The following TFB1M variants were observed in gnomAD, a reference collection of about 807,000 sequenced individuals.
TFB1M encodes the protein dimethyladenosine transferase 1, mitochondrial.
Under a neutral mutation model 31.1 loss-of-function variants are expected in TFB1M, and 27 were observed. That is an observed-to-expected ratio of 0.87 (90% CI 0.64 to 1.20). The LOEUF is 1.20. TFB1M is among the 50% of genes most tolerant of loss of function. The pLI is 0.00. For synonymous variants in TFB1M, 166 were observed against 151.8 expected (o/e 1.09, Z -0.69); for missense variants, 394 against 418.7 (o/e 0.94, Z 0.51).
intron 2 of TFB1M, among the ~76,000 whole-genome samples, chr6:155,310,409 T>C (rs935776387): frequency 1.3e-5 from 2 of 152,300 alleles, no homozygotes; most frequent in Non-Finnish European, 2.9e-5. Context: ...AGTAAGTTCC[T>C]CCTTATTTCA....
chr6:155,314,084 C>A (rs995872301), intron 1 of TFB1M: 41 of 1,444,554 alleles, frequency 2.8e-5, no homozygotes, highest in East Asian at 1.0e-4. Context: ...CTACACCCCC[C>A]CGAACGCGGA....
chr6:155,280,596 C>T (rs1785452761), intron 5 of TFB1M, among the ~76,000 whole-genome samples: 1 of 152,192 alleles, frequency 6.6e-6, no homozygotes, highest in African/African-American at 2.4e-5. Flanking sequence ...CCATCTCAAT[C>T]TGATTCTAGG....
At chr6:155,274,394 G>A (rs1042474293) in intron 5 of TFB1M, among the ~76,000 whole-genome samples, 1 of 152,090 alleles carries the variant, frequency 6.6e-6, no homozygotes, top group African/African-American at 2.4e-5. Flanking sequence ...CAAAGTAGGT[G>A]GTCTTTTCCT....
downstream of TFB1M, chr6:155,254,549 C>G (rs370090099): frequency 2.6e-5 from 42 of 1,612,422 alleles, no homozygotes; most frequent in Non-Finnish European, 3.2e-5. Context: ...TCTTAAGAAC[C>G]GAGTTCCTGT....
At chr6:155,241,331 CTT>C in the TFB1M span, among the ~76,000 whole-genome samples, 7 of 152,302 alleles carry the variant, frequency 4.6e-5, no homozygotes, top group South Asian at 1.5e-3. Context: ...AGTTCTTTTG[CTT>C]TGTTTCCTGG....
downstream of TFB1M, chr6:155,253,955 C>G (rs568371706): frequency 6.2e-7 from 1 of 1,603,696 alleles, no homozygotes; most frequent in South Asian, 1.1e-5. Context: ...ACTCTTGTTT[C>G]CATTTCCTTT....
intron 5 of TFB1M, among the ~76,000 whole-genome samples, chr6:155,267,781 T>A (rs115666948): frequency 0.019 from 2,907 of 152,212 alleles, 73 homozygotes; most frequent in African/African-American, 0.049. Context: ...ATTTGTATAA[T>A]CAACCTTCAC....
chr6:155,288,433 A>T (rs1776764104), intron 4 of TFB1M, among the ~76,000 whole-genome samples: 1 of 152,248 alleles, frequency 6.6e-6, no homozygotes, highest in South Asian at 2.1e-4. Flanking sequence ...GAATAAGCTT[A>T]TGGATCAAGT....
intron 5 of TFB1M, among the ~76,000 whole-genome samples, chr6:155,273,271 A>C (rs1464162412): frequency 6.6e-6 from 1 of 152,246 alleles, no homozygotes; most frequent in Non-Finnish European, 1.5e-5. Flanking sequence ...TGATGTCTAC[A>C]GATAAGTCTG....
intron 5 of TFB1M, among the ~76,000 whole-genome samples, chr6:155,264,808 A>G (rs1784546010): frequency 6.6e-6 from 1 of 152,146 alleles, no homozygotes; most frequent in South Asian, 2.1e-4. Flanking sequence ...GAGTTTTTTT[A>G]CTGTGTAAAT....
Position 155,299,194 on chromosome 6 carries a change from C to T in TFB1M, c.286-609G>A, listed in dbSNP as rs1044061847. On this transcript the variant is annotated intron_variant, in intron 2 of 6. Coordinates refer to ENST00000367166, the MANE Select transcript of TFB1M (RefSeq NM_016020.4). Reference sequence around the variant, plus strand: ...CCCCTTATCGACCTAATGAATTACCCTGGATGTTTAACAATAGCTACTTCC... The same window carrying T: ...CCCCTTATCGACCTAATGAATTACCTTGGATGTTTAACAATAGCTACTTCC... 3.9e-5 allele frequency among the ~76,000 whole-genome samples: 6 copies of T among 152,076 alleles called. No individual in the cohort carries two copies. In the South Asian group the frequency reaches 1.2e-3, roughly 31 times the overall value.
intron 6 of TFB1M, among the ~76,000 whole-genome samples, chr6:155,258,619 G>C (rs1784234797): frequency 6.6e-6 from 1 of 151,992 alleles, no homozygotes; most frequent in Non-Finnish European, 1.5e-5. Context: ...TTGAAGTAGA[G>C]GATATATTTT....
chr6:155,296,283 A>G (rs934412539), intron 4 of TFB1M, among the ~76,000 whole-genome samples: 2 of 151,946 alleles, frequency 1.3e-5, no homozygotes, highest in African/African-American at 4.8e-5. Flanking sequence ...CCGCCGAGAC[A>G]GAGTCTTGCT....
intron 4 of TFB1M, among the ~76,000 whole-genome samples, chr6:155,292,433 G>A (rs576504664): frequency 5.3e-5 from 8 of 152,214 alleles, no homozygotes; most frequent in South Asian, 2.1e-4. Flanking sequence ...CTAGAACCAG[G>A]GGAAGGCAGG....
chr6:155,281,519 C>T lies in TFB1M; in HGVS notation c.666+3639G>A, dbSNP rs1479482425. The stretch of plus-strand genomic sequence containing the variant: ...GATGGATCACCTGAGGCCAGGAGTT[C>T]GAGACCAGCTTGGCCAACATGGTGA... On this transcript the variant is annotated intron_variant, in intron 5 of 6. Transcript: ENST00000367166. Among the ~76,000 whole-genome samples, 13 of 152,104 alleles carry T rather than the reference C, an allele frequency of 8.5e-5. No homozygotes were observed. The East Asian group carries it at 9.7e-4, about 11-fold the overall frequency.
In TFB1M at chr6:155,256,822, G is replaced by A. The variant is rs755263506; in HGVS notation, c.*1014C>T. 83 of 1,614,044 alleles carry A rather than the reference G, an allele frequency of 5.1e-5. No homozygotes were observed. Among genetic ancestry groups the A allele is most frequent in the Non-Finnish European group, 6.9e-5 (81 of 1,180,050 alleles). On this transcript the variant is annotated 3_prime_UTR_variant, in exon 7 of 7. Coordinates refer to ENST00000367166, the MANE Select transcript of TFB1M (RefSeq NM_016020.4). ...ACTGAGGATTTCCGAGGACCCAGAC[G>A]TTCACCCCGAGGCTGAGCAGCAGCC...
At chr6:155,258,936 A>G (rs970385798) in intron 6 of TFB1M, among the ~76,000 whole-genome samples, 2 of 152,228 alleles carry the variant, frequency 1.3e-5, no homozygotes, top group African/African-American at 4.8e-5. Flanking sequence ...AAGAACACCA[A>G]TAAGTCAAAG....
the TFB1M span, chr6:155,250,956 T>C: frequency 6.2e-7 from 1 of 1,614,206 alleles, no homozygotes. Context: ...CACTCTACGG[T>C]TTCCTGGTTG....
At chr6:155,298,725 C>T in intron 2 of TFB1M, 140 bp from the exon 3 acceptor site, 2 of 659,978 alleles carry the variant, frequency 3.0e-6, no homozygotes, top group Admixed American at 2.4e-5. Context: ...AATACTGCAT[C>T]ACGTCTATTG....
Sources: gnomAD v4.1 joint callset for allele counts (sites outside exome capture counted in the v4.1 genomes callset) on GRCh38, gnomAD v4.1.1 for gene constraint, MANE v1.5 for transcripts, NCBI Gene and HGNC (gene_info 2026-07-23, HGNC 2026-07-21) for gene names.